The following GNAS variants were observed in gnomAD, a reference collection of about 807,000 sequenced individuals.
GNAS encodes the protein protein ALEX.
GNAS carries 8 observed loss-of-function variants against 54.5 expected under a neutral mutation model. That is an observed-to-expected ratio of 0.15 (90% CI 0.09 to 0.26). The LOEUF (loss-of-function observed/expected upper bound fraction) is 0.26. Among genes scored for constraint, GNAS ranks in the 10% least tolerant of loss-of-function variants. The pLI is 1.00. For missense variants in GNAS, 170 were observed against 529.8 expected, an observed-to-expected ratio of 0.32 and a Z score of 6.67; for synonymous variants, 204 against 191.4, an observed-to-expected ratio of 1.07 and a Z score of -0.54.
In GNAS at chr20:58,891,754, G is replaced by A. The variant is rs200163406; in HGVS notation, c.28G>A (p.Glu10Lys). The change falls in exon 1 of 13, where the codon GAG (glutamate) becomes AAG (lysine). Residue 10 changes from glutamate to lysine, a missense_variant. Coordinates refer to ENST00000371085, the MANE Select transcript of GNAS (RefSeq NM_000516.7). MGCLGNSKTEDQRNEEKAQR... is the reference protein window; with the variant it reads MGCLGNSKTKDQRNEEKAQR... The stretch of plus-strand genomic sequence containing the variant: ...GGGCTGCCTCGGGAACAGTAAGACC[G>A]AGGACCAGCGCAACGAGGAGAAGGC... 1 of 1,256,654 alleles carries A rather than the reference G, an allele frequency of 8.0e-7. No homozygotes were observed. The highest frequency in any genetic ancestry group is 1.0e-6 in the Non-Finnish European group (1 of 960,612). The allele number at this position is 1,256,654 out of a possible 1,614,324, so 77.8% of individuals were successfully genotyped here. A position where few individuals can be genotyped will look rare whatever the true frequency, so the allele number is the denominator to read the frequency against.
At chr20:58,904,510 G>A (rs1456460301) in intron 5 of GNAS, among the ~76,000 whole-genome samples, 1 of 152,248 alleles carries the variant, frequency 6.6e-6, no homozygotes, top group Non-Finnish European at 1.5e-5. Flanking sequence ...ATAAGTTTAG[G>A]CCCCTTCGTG....
intron 6 of GNAS, among the ~76,000 whole-genome samples, chr20:58,908,282 T>C (rs2091215145): frequency 6.6e-6 from 1 of 152,150 alleles, no homozygotes; most frequent in Admixed American, 6.5e-5. Context: ...CTTTCAAAAG[T>C]AAATTTTCCT....
At chr20:58,869,770 C>T (rs115037559) in intron 1 of GNAS, among the ~76,000 whole-genome samples, 3,964 of 152,298 alleles carry the variant, frequency 0.026, 152 homozygotes, top group African/African-American at 0.088. Flanking sequence ...CAGTGCTTCA[C>T]GGCACACTGG....
At chr20:58,860,339 G>GT (rs2086720595) in intron 1 of GNAS, among the ~76,000 whole-genome samples, 2 of 149,628 alleles carry the variant, frequency 1.3e-5, no homozygotes, top group Admixed American at 6.6e-5. Context: ...AAGTTTTTTG[G>GT]TTTTTTTGTT....
At chr20:58,866,430 A>G (rs769551220) in intron 1 of GNAS, among the ~76,000 whole-genome samples, 1 of 152,192 alleles carries the variant, frequency 6.6e-6, no homozygotes, top group Non-Finnish European at 1.5e-5. Context: ...GTCTCTGATA[A>G]AGTGGACACC....
rs760404806 is a variant in GNAS, at chr20:58,909,646, C to T, written c.719-38C>T. 5.0e-6 allele frequency: 8 copies of T among 1,613,996 alleles called. No individual in the cohort carries two copies. The highest frequency in any genetic ancestry group is 2.2e-5 in the East Asian group (1 of 44,898). On this transcript the variant is annotated intron_variant, in intron 9 of 12. Transcript: ENST00000371085. This position sits in a 1 kb window ranked among gnomAD's most constrained non-coding sequence, Gnocchi z 7.3. ...CTTCTGTGTTGTTAGGGATCAGGGT[C>T]GCTGCTCACGCTCTTGGCTTTGCTC...
intron 1 of GNAS, among the ~76,000 whole-genome samples, chr20:58,875,931 A>G (rs2087783397): frequency 6.6e-6 from 1 of 152,238 alleles, no homozygotes; most frequent in African/African-American, 2.4e-5. Flanking sequence ...CCAGGCCAGC[A>G]AATAAGCCAG....
Position 58,909,207 on chromosome 20 carries a change from G to C in GNAS, c.576G>C (p.Pro192=). The stretch of plus-strand genomic sequence containing the variant: ...TGATCAAGCAGGCTGACTATGTGCC[G>C]AGCGATCAGGTGTGCAAAACCCCTC... ...IDVIKQADYV[P]SDQDLLRCRV... Residue 192 remains proline (P), a synonymous_variant, in exon 7 of 13, where the codon CCG becomes CCC. Transcript: ENST00000371085. The surrounding 1 kb of genome is among the most constrained non-coding windows in gnomAD (Gnocchi z 7.3). The C allele has an allele frequency of 1.2e-6, 2 of 1,613,934 alleles. No individual in the cohort carries two copies. Among genetic ancestry groups the C allele is most frequent in the Non-Finnish European group, 1.7e-6 (2 of 1,179,836 alleles).
At chr20:58,889,230 G>A, upstream of GNAS, 1 of 1,205,784 alleles carries the variant, frequency 8.3e-7, no homozygotes, top group East Asian at 9.2e-5. Flanking sequence ...GGCCGGCGCG[G>A]CGCTCCCCTG....
intron 3 of GNAS, chr20:58,899,837 A>T (rs2090449152): frequency 1.5e-6 from 1 of 688,698 alleles, no homozygotes; most frequent in African/African-American, 1.8e-5. Context: ...CCATTGACTT[A>T]GTTTAGGGCA....
At chr20:58,865,985 G>A (rs1202965044) in intron 1 of GNAS, among the ~76,000 whole-genome samples, 3 of 152,124 alleles carry the variant, frequency 2.0e-5, no homozygotes, top group African/African-American at 7.2e-5. Context: ...TCTGACTGGT[G>A]CACACTCAAT....
intron 1 of GNAS, among the ~76,000 whole-genome samples, chr20:58,866,799 G>T (rs2087098326): frequency 6.7e-6 from 1 of 150,362 alleles, no homozygotes; most frequent in African/African-American, 2.4e-5. Context: ...TTTCCCTAGG[G>T]AGTTTCAAAT....
intron 1 of GNAS, among the ~76,000 whole-genome samples, chr20:58,858,610 A>C (rs985311903): frequency 3.3e-5 from 5 of 152,228 alleles, no homozygotes; most frequent in Admixed American, 2.6e-4. Context: ...AGAGTTTCTT[A>C]GTATCTGCCA....
At chr20:58,840,240 T>C, upstream of GNAS, 1 of 1,611,118 alleles carries the variant, frequency 6.2e-7, no homozygotes, top group Non-Finnish European at 8.5e-7. This position sits in a 1 kb window ranked among gnomAD's most constrained non-coding sequence, Gnocchi z 6.0. Flanking sequence ...CTCCGCGCCC[T>C]TGCCACCTCC....
In GNAS at chr20:58,900,127, C is replaced by T. The variant is rs552307208; in HGVS notation, c.257+1142C>T. ...TGACCTTAAACGATGATTGAAAAAA[C>T]GAAAAATGAACTGAAATCCTTAATT... is the stretch of plus-strand genomic sequence containing the variant. On this transcript the variant is annotated intron_variant, in intron 3 of 12. Transcript: ENST00000371085. The T allele has an allele frequency of 7.8e-5, 44 of 565,992 alleles. 1 individual carries two copies. The highest frequency in any genetic ancestry group is 7.7e-4 in the South Asian group (34 of 43,938). The allele number at this position is 565,992 out of a possible 1,614,324, so 35.1% of individuals were successfully genotyped here.
At position 58,857,757 on chromosome 20, in the gene GNAS, T is replaced by C. The variant is rs768980478; in HGVS notation, c.43+16871T>C. On this transcript the variant is annotated intron_variant, in intron 1 of 12. Coordinates refer to the GNAS transcript ENST00000306090. This position sits in a 1 kb window ranked among gnomAD's most constrained non-coding sequence, Gnocchi z 4.1. The stretch of plus-strand genomic sequence containing the variant: ...CATCAATCCTGCAGCAAACTGTCCA[T>C]GTTTGGGACCAGTCTTAAGAATATT... Among the ~76,000 whole-genome samples the C allele has an allele frequency of 2.0e-5, 3 of 152,240 alleles. No individual in the cohort carries two copies. The highest frequency in any genetic ancestry group is 4.8e-5 in the African/African-American group (2 of 41,470).
At chr20:58,851,319 C>T (rs1302776369) in intron 1 of GNAS, among the ~76,000 whole-genome samples, 1 of 152,136 alleles carries the variant, frequency 6.6e-6, no homozygotes, top group Non-Finnish European at 1.5e-5. Context: ...TAAACGGGAT[C>T]GCAACTTGCG....
chr20:58,888,221 C>T (rs1196583302), upstream of GNAS, among the ~76,000 whole-genome samples: 3 of 152,170 alleles, frequency 2.0e-5, no homozygotes, highest in African/African-American at 7.2e-5. Flanking sequence ...GGGACGTAGG[C>T]CTGTGTCCCA....
At chr20:58,889,218 C>G, upstream of GNAS, 2 of 1,163,094 alleles carry the variant, frequency 1.7e-6, no homozygotes, top group Non-Finnish European at 1.1e-6. Context: ...CGTCAGGTGG[C>G]TGGCCGGCGC....
Sources: gnomAD v4.1 joint callset for allele counts (sites outside exome capture counted in the v4.1 genomes callset) on GRCh38, gnomAD v4.1.1 for gene constraint, Gnocchi (gnomAD v3.1) non-coding constraint, MANE v1.5 for transcripts, NCBI Gene and HGNC (gene_info 2026-07-23, HGNC 2026-07-21) for gene names.